Variants in KCNA3 observed in about 807,000 individuals in gnomAD.
KCNA3 encodes the protein RP11-284N8.3.
KCNA3 carries 18 observed loss-of-function variants against 34.3 expected under a neutral mutation model. The ratio of observed to expected loss-of-function variants is 0.52; its 90% confidence interval spans 0.36 to 0.78. KCNA3 has a LOEUF of 0.78. Among genes scored for constraint, KCNA3 ranks in the 30% least tolerant of loss-of-function variants. The probability of loss-of-function intolerance (pLI) is 0.00; values close to 1 mark genes in which losing one functional copy is unlikely to be tolerated. For synonymous variants in KCNA3, 324 were observed against 351.7 expected, an observed-to-expected ratio of 0.92 and a Z score of 0.88; for missense variants, 587 against 802.5, an observed-to-expected ratio of 0.73 and a Z score of 3.24.
chr1:110,668,012 T>C (rs114139872), downstream of KCNA3, among the ~76,000 whole-genome samples: 2,518 of 152,256 alleles, frequency 0.017, 22 homozygotes, highest in Admixed American at 0.027. Flanking sequence ...GTACTTTCTC[T>C]CAAAGGTTAT....
rs79231483 is a variant in KCNA3 at position 110,674,804 on chromosome 1, G to T, written c.6C>A (p.Asp2Glu). The T allele has an allele frequency of 7.7e-4, 1,015 of 1,312,274 alleles. 11 individuals are homozygous for T. The African/African-American group carries it at 0.014, about 18-fold the overall frequency. The allele number at this position is 1,312,274 out of a possible 1,614,324, so 81.3% of individuals were successfully genotyped here. A position where few individuals can be genotyped will look rare whatever the true frequency, so the allele number is the denominator to read the frequency against. ...GCGAGCGCAGAAGGCTGAGGCGCTC[G>T]TCCATGCGGCGGGGAAGAGGCGGCA... The part of the protein sequence containing the change: M[D>E]ERLSLLRSPP... Residue 2 changes from aspartate to glutamate, a missense_variant, in exon 1 of 1, where the codon GAC becomes GAA. This residue lies in a region of KCNA3 where 341 missense variants were observed against 355.4 expected (regional missense o/e 0.96). Coordinates refer to ENST00000369769, the MANE Select transcript of KCNA3 (RefSeq NM_002232.5). This position sits in a 1 kb window ranked among gnomAD's most constrained non-coding sequence, Gnocchi z 6.4.
Position 110,674,854 on chromosome 1 carries a change from T to C in KCNA3, c.-45A>G. On this transcript the variant is annotated 5_prime_UTR_variant, in exon 1 of 1. Coordinates refer to ENST00000369769, the MANE Select transcript of KCNA3 (RefSeq NM_002232.5). The surrounding 1 kb of genome is among the most constrained non-coding windows in gnomAD (Gnocchi z 6.4). ...AGCGGTGAGGCCAGGTCGCTCCTCC[T>C]CGCGCTCCCCGCCCTTTCGCCGCCT... The C allele has an allele frequency of 7.8e-7, 1 of 1,279,496 alleles. No homozygotes were observed. The allele number at this position is 1,279,496 out of a possible 1,614,324, so 79.3% of individuals were successfully genotyped here.
the KCNA3 span, among the ~76,000 whole-genome samples, chr1:110,666,885 C>T: frequency 6.6e-6 from 1 of 152,000 alleles, no homozygotes; most frequent in African/African-American, 2.4e-5. Flanking sequence ...AGGCAATAAA[C>T]CTGCATTTTA....
In KCNA3 at chr1:110,673,434, A is replaced by G. The variant is rs1478716229; in HGVS notation, c.1376T>C (p.Ile459Thr). The G allele has an allele frequency of 1.2e-6, 2 of 1,613,862 alleles. No individual in the cohort carries two copies. The highest frequency in any genetic ancestry group is 1.7e-6 in the Non-Finnish European group (2 of 1,180,006). Reference sequence around the variant, plus strand: ...GGCGATGGCACAGAGAGATCCCACAATCTTGCCCCCTATGGTCACTGGGTG... The same window carrying G: ...GGCGATGGCACAGAGAGATCCCACAGTCTTGCCCCCTATGGTCACTGGGTG... The part of the protein sequence containing the change: ...DMHPVTIGGK[I>T]VGSLCAIAGV... The change falls in exon 1 of 1, where the codon ATT (isoleucine) becomes ACT (threonine). Residue 459 changes from isoleucine to threonine, a missense_variant. Physicochemically the swap from Ile to Thr is moderately conservative, Grantham distance 89. Coordinates refer to ENST00000369769, the MANE Select transcript of KCNA3 (RefSeq NM_002232.5). The surrounding 1 kb of genome is among the most constrained non-coding windows in gnomAD (Gnocchi z 8.8).
downstream of KCNA3, among the ~76,000 whole-genome samples, chr1:110,667,880 A>C (rs1651738983): frequency 6.6e-6 from 1 of 152,198 alleles, no homozygotes; most frequent in Non-Finnish European, 1.5e-5. Context: ...GTACATAAAG[A>C]ATACTATTAT....
chr1:110,674,173 G>C lies in KCNA3; in HGVS notation c.637C>G (p.Arg213Gly), dbSNP rs1189040017. The C allele has an allele frequency of 6.2e-7, 1 of 1,612,150 alleles. No homozygotes were observed. Among genetic ancestry groups the C allele is most frequent in the Non-Finnish European group, 8.5e-7 (1 of 1,178,962 alleles). The change falls in exon 1 of 1, where the codon CGC becomes GGC. Residue 213 changes from arginine to glycine, a missense_variant. Physicochemically the swap from Arg to Gly is moderately radical, Grantham distance 125. Transcript: ENST00000369769. This position sits in a 1 kb window ranked among gnomAD's most constrained non-coding sequence, Gnocchi z 6.4. ...FLREEERPLP[R>G]RDFQRQVWLL... ...CACACCTGGCGCTGGAAGTCGCGGC[G>C]GGGCAAGGGCCGCTCCTCCTCCCGC...
chr1:110,671,352 C>T (rs1651884521), downstream of KCNA3, among the ~76,000 whole-genome samples: 1 of 152,216 alleles, frequency 6.6e-6, no homozygotes, highest in African/African-American at 2.4e-5. Flanking sequence ...TTTAAAAAGA[C>T]ACCAAGCATG....
chr1:110,672,882 TGAGAGAATGCAG>T lies in KCNA3; in HGVS notation c.*188_*199del, dbSNP rs1651938717. On this transcript the variant is annotated 3_prime_UTR_variant, in exon 1 of 1. Coordinates refer to ENST00000369769, the MANE Select transcript of KCNA3 (RefSeq NM_002232.5). ...AGAGGGTAAGAGGGAAAAGGAGAGC[TGAGAGAATGCAG>T]CCCACTTGCAAAACAGGCACCTGTT... 1 of 576,386 alleles carries T rather than the reference TGAGAGAATGCAG, an allele frequency of 1.7e-6. No homozygotes were observed. Among genetic ancestry groups the T allele is most frequent in the Non-Finnish European group, 3.1e-6 (1 of 327,046 alleles). The allele number at this position is 576,386 out of a possible 1,614,324, so 35.7% of individuals were successfully genotyped here. A position where few individuals can be genotyped will look rare whatever the true frequency, so the allele number is the denominator to read the frequency against.
downstream of KCNA3, among the ~76,000 whole-genome samples, chr1:110,670,598 A>T (rs182188433): frequency 6.6e-6 from 1 of 152,300 alleles, no homozygotes; most frequent in Non-Finnish European, 1.5e-5. Flanking sequence ...TGTCATAAAA[A>T]TAATTTCTGG....
the KCNA3 span, chr1:110,655,328 T>G: frequency 6.6e-6 from 1 of 152,052 alleles, no homozygotes. Context: ...ACTTTGACAG[T>G]TTAAAGTAAA....
chr1:110,660,063 A>C, the KCNA3 span, among the ~76,000 whole-genome samples: 232 of 152,210 alleles, frequency 1.5e-3, 1 homozygote, highest in Middle Eastern at 3.4e-3. Context: ...TGCACATGTA[A>C]CCTAGAAGTT....
chr1:110,673,011 C>T lies in KCNA3; in HGVS notation c.*71G>A, dbSNP rs1651943237. ...ATGAATGGTCTGGAAATGTATAAAA[C>T]AAGGGCATAGGCAGACCAAGGGGGC... is the stretch of plus-strand genomic sequence containing the variant. On this transcript the variant is annotated 3_prime_UTR_variant, in exon 1 of 1. Transcript: ENST00000369769. This position sits in a 1 kb window ranked among gnomAD's most constrained non-coding sequence, Gnocchi z 8.8. 7 of 1,410,400 alleles carry T rather than the reference C, an allele frequency of 5.0e-6. 1 individual carries two copies. The highest frequency in any genetic ancestry group is 6.8e-6 in the Non-Finnish European group (7 of 1,032,184). 87.4% of individuals were successfully genotyped at this position (1,410,400 alleles called of 1,614,324 possible).
chr1:110,656,736 T>C, the KCNA3 span: 2 of 152,188 alleles, frequency 1.3e-5, no homozygotes, highest in Non-Finnish European at 2.9e-5. Context: ...AGGCTTAAAA[T>C]GTTGAGTGTG....
chr1:110,668,486 C>T (rs918361734), downstream of KCNA3, among the ~76,000 whole-genome samples: 1 of 151,912 alleles, frequency 6.6e-6, no homozygotes, highest in African/African-American at 2.4e-5. Context: ...TATTATACGC[C>T]AAAAAGGTAA....
At chr1:110,666,470 G>T in the KCNA3 span, among the ~76,000 whole-genome samples, 6 of 152,212 alleles carry the variant, frequency 3.9e-5, 1 homozygote, top group Admixed American at 3.9e-4. Flanking sequence ...AAGGAAGGGA[G>T]AAATATAAGC....
Position 110,673,925 on chromosome 1 carries a change from G to C in KCNA3, c.885C>G (p.Phe295Leu), listed in dbSNP as rs1208717556. 1 of 1,614,038 alleles carries C rather than the reference G, an allele frequency of 6.2e-7. No individual in the cohort carries two copies. Residue 295 changes from phenylalanine (F) to leucine (L), a missense_variant, in exon 1 of 1, where the codon TTC becomes TTG. Physicochemically the swap from Phe to Leu is conservative, Grantham distance 22. Coordinates refer to ENST00000369769, the MANE Select transcript of KCNA3 (RefSeq NM_002232.5). The surrounding 1 kb of genome is among the most constrained non-coding windows in gnomAD (Gnocchi z 8.8). Reference sequence around the variant, plus strand: ...TGATGCACAGCGTCTCCACCACGAAGAAGGGATCGGAGAAGCTGGAGGCTC... The same window carrying C: ...TGATGCACAGCGTCTCCACCACGAACAAGGGATCGGAGAAGCTGGAGGCTC... ...RAGASSFSDP[F>L]FVVETLCIIW...
At chr1:110,659,049 A>G in the KCNA3 span, among the ~76,000 whole-genome samples, 1 of 152,160 alleles carries the variant, frequency 6.6e-6, no homozygotes, top group South Asian at 2.1e-4. Flanking sequence ...TTTATATGTA[A>G]ATGGGCTAAT....
downstream of KCNA3, among the ~76,000 whole-genome samples, chr1:110,669,208 G>A (rs1242491084): frequency 1.3e-5 from 2 of 152,134 alleles, no homozygotes; most frequent in Non-Finnish European, 2.9e-5. Flanking sequence ...TGGTTCTTCA[G>A]TAAATGAAGC....
At chr1:110,661,830 G>T in the KCNA3 span, among the ~76,000 whole-genome samples, 2 of 152,002 alleles carry the variant, frequency 1.3e-5, no homozygotes, top group Non-Finnish European at 2.9e-5. Context: ...AATGTCAGCC[G>T]GGCGCGGTGG....
Sources: gnomAD v4.1 joint callset for allele counts (sites outside exome capture counted in the v4.1 genomes callset) on GRCh38, gnomAD v4.1.1 for gene constraint, gnomAD v4.1.1 regional missense constraint, Gnocchi (gnomAD v3.1) non-coding constraint, MANE v1.5 for transcripts, NCBI Gene and HGNC (gene_info 2026-07-23, HGNC 2026-07-21) for gene names.